The following BCKDHB variants were observed in gnomAD, a reference collection of about 807,000 sequenced individuals.
The protein encoded by BCKDHB is 2-oxoisovalerate dehydrogenase subunit beta, mitochondrial.
BCKDHB carries 41 observed loss-of-function variants against 48.5 expected under a neutral mutation model. The ratio of observed to expected loss-of-function variants is 0.85; its 90% CI spans 0.66 to 1.10. The LOEUF (loss-of-function observed/expected upper bound fraction) is 1.10. BCKDHB is among the 50% of genes least tolerant of loss of function. The probability of loss-of-function intolerance (pLI) is 0.00; values close to 1 mark genes in which losing one functional copy is unlikely to be tolerated. For synonymous variants in BCKDHB, 201 were observed against 174.8 expected (o/e 1.15, Z -1.18); for missense variants, 496 against 494.2 (o/e 1.00, Z -0.03).
chr6:80,108,495 ACTTGTT>A (rs1429715011), intron 1 of BCKDHB, among the ~76,000 whole-genome samples: 1 of 151,340 alleles, frequency 6.6e-6, no homozygotes, highest in African/African-American at 2.4e-5. Flanking sequence ...ATATATATAA[ACTTGTT>A]CTTATTTTAA....
intron 6 of BCKDHB, among the ~76,000 whole-genome samples, chr6:80,184,819 G>C (rs1440820956): frequency 3.3e-5 from 5 of 152,258 alleles, no homozygotes; most frequent in Non-Finnish European, 7.4e-5. Flanking sequence ...TAATCTGAGA[G>C]GTTTTCCTTT....
intron 6 of BCKDHB, among the ~76,000 whole-genome samples, chr6:80,195,297 A>G (rs1409185173): frequency 2.6e-5 from 4 of 152,126 alleles, no homozygotes; most frequent in African/African-American, 9.7e-5. Flanking sequence ...ATTGGGTACA[A>G]CTGTGTTTAG....
At chr6:80,389,302 C>G in the BCKDHB span, among the ~76,000 whole-genome samples, 11 of 152,204 alleles carry the variant, frequency 7.2e-5, no homozygotes, top group Admixed American at 2.0e-4. Context: ...TTCCACTCAC[C>G]AAGGCTGACC....
intron 9 of BCKDHB, among the ~76,000 whole-genome samples, chr6:80,330,187 G>T (rs1407831690): frequency 5.3e-5 from 8 of 151,838 alleles, no homozygotes; most frequent in African/African-American, 1.9e-4. Flanking sequence ...TAGAGATAAA[G>T]AATAAACTTT....
chr6:80,403,457 C>G, the BCKDHB span, among the ~76,000 whole-genome samples: 2 of 151,780 alleles, frequency 1.3e-5, no homozygotes, highest in Non-Finnish European at 3.0e-5. Context: ...ACTAAATTCA[C>G]TCATTTAAAA....
chr6:80,109,098 T>C (rs538875909), intron 1 of BCKDHB, among the ~76,000 whole-genome samples: 10 of 152,332 alleles, frequency 6.6e-5, no homozygotes, highest in Admixed American at 2.0e-4. Flanking sequence ...ACAAGTCTTT[T>C]ACAAGTTAAA....
the BCKDHB span, among the ~76,000 whole-genome samples, chr6:80,403,634 A>T: frequency 1.3e-5 from 2 of 151,984 alleles, no homozygotes; most frequent in East Asian, 3.9e-4. Flanking sequence ...AAGTGGTGAG[A>T]TTGGGCATCA....
the BCKDHB span, chr6:80,443,237 T>C: frequency 6.6e-6 from 1 of 152,186 alleles, no homozygotes; most frequent in East Asian, 1.9e-4. Context: ...AGATACTCTC[T>C]TTCTATTAAT....
intron 9 of BCKDHB, among the ~76,000 whole-genome samples, chr6:80,317,848 T>A (rs760003525): frequency 6.6e-6 from 1 of 152,164 alleles, no homozygotes; most frequent in African/African-American, 2.4e-5. Context: ...TAAAACCCAG[T>A]GTATCAGGCT....
rs758948306 is a variant in BCKDHB at position 80,180,343 on chromosome 6, A to T, written c.742+8953A>T. 2.0e-5 allele frequency among the ~76,000 whole-genome samples: 3 copies of T among 152,338 alleles called. No individual in the cohort carries two copies. In the South Asian group the frequency reaches 6.2e-4, roughly 32 times the overall value. On this transcript the variant is annotated intron_variant, in intron 6 of 9. Coordinates refer to ENST00000320393, the MANE Select transcript of BCKDHB (RefSeq NM_183050.4). ...TTTTTAGAAATGGAGAAGGATGTTT[A>T]GAAAAGGTAGATAAGGCAGAAAAAT...
the BCKDHB span, among the ~76,000 whole-genome samples, chr6:80,386,160 G>A: frequency 6.6e-6 from 1 of 152,164 alleles, no homozygotes; most frequent in Non-Finnish European, 1.5e-5. Context: ...AGATTTGTGA[G>A]AGCAGCACCT....
intron 9 of BCKDHB, 165 bp from the exon 10 acceptor site, chr6:80,343,499 C>T (rs1770026592): frequency 4.1e-6 from 3 of 737,150 alleles, no homozygotes; most frequent in Admixed American, 5.2e-5. Flanking sequence ...TGGGATCATG[C>T]GAACATGCTG....
intron 8 of BCKDHB, among the ~76,000 whole-genome samples, chr6:80,267,390 G>C (rs912079394): frequency 1.3e-5 from 2 of 152,050 alleles, no homozygotes; most frequent in African/African-American, 4.8e-5. Context: ...CGAGTACATA[G>C]ACAATCTGAC....
At chr6:80,220,248 A>G (rs918025316) in intron 8 of BCKDHB, among the ~76,000 whole-genome samples, 22 of 142,916 alleles carry the variant, frequency 1.5e-4, no homozygotes, top group Non-Finnish European at 7.6e-5. Context: ...GAATATTTCA[A>G]TCTCATCAAT....
intron 3 of BCKDHB, among the ~76,000 whole-genome samples, chr6:80,143,400 A>G (rs958473729): frequency 2.0e-5 from 3 of 152,188 alleles, no homozygotes; most frequent in African/African-American, 7.2e-5. Flanking sequence ...TCACATAATC[A>G]TAAAGTTCAC....
chr6:80,165,956 C>T (rs67456645), intron 3 of BCKDHB, among the ~76,000 whole-genome samples: 11,713 of 152,210 alleles, frequency 0.077, 534 homozygotes, highest in South Asian at 0.099. Flanking sequence ...TTTTCAACCA[C>T]TGGTAGCCAC....
chr6:80,285,532 C>CAG (rs1766586411), intron 9 of BCKDHB, among the ~76,000 whole-genome samples: 1 of 151,994 alleles, frequency 6.6e-6, no homozygotes, highest in Non-Finnish European at 1.5e-5. Context: ...TATATCTGTT[C>CAG]AGAGAACCAC....
intron 5 of BCKDHB, among the ~76,000 whole-genome samples, chr6:80,170,433 T>G (rs942381): frequency 0.46 from 69,353 of 152,018 alleles, 16,879 homozygotes; most frequent in East Asian, 0.7. Context: ...AAGTCAACAT[T>G]AGATAGAAGT....
At chr6:80,314,635 G>GT (rs879831581) in intron 9 of BCKDHB, among the ~76,000 whole-genome samples, 3 of 152,216 alleles carry the variant, frequency 2.0e-5, no homozygotes, top group Non-Finnish European at 2.9e-5. Context: ...GTGCCATGCT[G>GT]TGGAACCACT....
Sources: allele counts gnomAD v4.1 joint callset (sites outside exome capture counted in the v4.1 genomes callset), GRCh38; gene constraint gnomAD v4.1.1; transcripts MANE v1.5; gene names NCBI Gene and HGNC (gene_info 2026-07-23, HGNC 2026-07-21).